NOP56: variants seen among roughly 807,000 people sequenced by gnomAD.
The protein encoded by NOP56 is nucleolar protein 56.
Under a neutral mutation model 58.3 loss-of-function variants are expected in NOP56, and 31 were observed. The ratio of observed to expected loss-of-function variants is 0.53; its 90% CI spans 0.40 to 0.72. The LOEUF is 0.72. Among genes scored for constraint, NOP56 ranks in the 30% least tolerant of loss-of-function variants. NOP56 has a pLI of 0.00. For synonymous variants in NOP56, 313 were observed against 282.8 expected, an observed-to-expected ratio of 1.11 and a Z score of -1.07; for missense variants, 669 against 739.9, an observed-to-expected ratio of 0.90 and a Z score of 1.11.
At position 2,656,888 on chromosome 20, in the gene NOP56, T is replaced by C; in HGVS notation, c.1274T>C (p.Met425Thr). The change falls in exon 10 of 12, where the codon ATG becomes ACG. Residue 425 changes from methionine to threonine, a missense_variant. By Grantham distance (81) the Met-to-Thr change is moderately conservative (BLOSUM62 -1). Coordinates refer to ENST00000329276, the MANE Select transcript of NOP56 (RefSeq NM_006392.4). Reference protein sequence around the residue: ...RKNLDVMKEAMVQAEEAAAEI... With the variant: ...RKNLDVMKEATVQAEEAAAEI... Reference sequence around the variant, plus strand: ...AATCTGGATGTCATGAAGGAAGCAATGGTTCAGGTCAGTTGGGCTTTGCTG... The same window carrying C: ...AATCTGGATGTCATGAAGGAAGCAACGGTTCAGGTCAGTTGGGCTTTGCTG... 6.2e-7 allele frequency: 1 copy of C among 1,614,116 alleles called. No individual in the cohort carries two copies. The highest frequency in any genetic ancestry group is 8.5e-7 in the Non-Finnish European group (1 of 1,180,016).
At position 2,655,483 on chromosome 20, in the gene NOP56, C is replaced by G; in HGVS notation, c.728C>G (p.Ala243Gly). 6.2e-7 allele frequency: 1 copy of G among 1,614,166 alleles called. No individual in the cohort carries two copies. The highest frequency in any genetic ancestry group is 8.5e-7 in the Non-Finnish European group (1 of 1,180,012). ...ACAATGGATGGGGCCAAGGCTAAGG[C>G]TATTCTGGATGCCTCACGGTCCTCC... is the stretch of plus-strand genomic sequence containing the variant. Reference protein sequence around the residue: ...ELTMDGAKAKAILDASRSSMG... With the variant: ...ELTMDGAKAKGILDASRSSMG... The change falls in exon 6 of 12, where the codon GCT becomes GGT. Residue 243 changes from alanine (A) to glycine (G), a missense_variant. Ala to Gly is a moderately conservative substitution (Grantham distance 60). This residue lies in a region of NOP56 where 339 missense variants were observed against 430.5 expected (regional missense o/e 0.79). Transcript: ENST00000329276.
chr20:2,652,794 G>T lies in NOP56; in HGVS notation c.4-48G>T, dbSNP rs759332897. On this transcript the variant is annotated intron_variant, in intron 1 of 11. Transcript: ENST00000329276. ...GCGCCTGCCCTGGGAACGGGTTCCG[G>T]CAGACGCTGAGGTTGCGTTGACGCT... is the stretch of plus-strand genomic sequence containing the variant. 3 of 1,563,436 alleles carry T rather than the reference G, an allele frequency of 1.9e-6. No homozygotes were observed. In the African/African-American group the frequency reaches 4.1e-5, roughly 21 times the overall value.
chr20:2,654,968 A>G (rs759778839), intron 5 of NOP56, 21 bp downstream of exon 5: 7 of 1,612,990 alleles, frequency 4.3e-6, no homozygotes, highest in Non-Finnish European at 5.9e-6. Flanking sequence ...GGGGCCACCC[A>G]TAATACTGGA....
rs1296964815 is a variant in NOP56, at chr20:2,652,908, GAGATCAGTCTGCTGCAGCCGC to G, written c.73_93del (p.Ile25_Gln31del). ...GCTGCTGGCGCTGAAGGAAGTGGAGGAGATCAGTCTGCTGCAGCCGCAGGTGGGTGAGATCCGTGGGCTCCT... is the reference window on the plus strand; with the variant it reads ...GCTGCTGGCGCTGAAGGAAGTGGAGGAGGTGGGTGAGATCCGTGGGCTCCT... On this transcript the variant is annotated inframe_deletion and splice_region_variant, in exon 2 of 12. Transcript: ENST00000329276. 1.2e-6 allele frequency: 2 copies of G among 1,608,668 alleles called. No individual in the cohort carries two copies. The highest frequency in any genetic ancestry group is 2.7e-5 in the African/African-American group (2 of 74,636).
intron 3 of NOP56, chr20:2,654,033 G>A (rs2086784916): frequency 4.9e-6 from 2 of 405,670 alleles, no homozygotes; most frequent in Admixed American, 5.5e-5. Context: ...TCAAGTGTCT[G>A]GTTCTCTGCT....
At chr20:2,657,906 T>G in intron 11 of NOP56, 23 bp from the exon 12 acceptor site, 1 of 1,554,142 alleles carries the variant, frequency 6.4e-7, no homozygotes, top group Non-Finnish European at 8.7e-7. Flanking sequence ...TCTCACAGCC[T>G]GTTCCCCTGT....
rs139317783 is a variant in NOP56, at chr20:2,654,127, C to T, written c.209-287C>T. ...TCCAGAAGGCAAATTCTACGAAATA[C>T]TCGAGGGTGTGTTACAAGCTATTAT... On this transcript the variant is annotated intron_variant, in intron 3 of 11. Transcript: ENST00000329276. 6.8e-5 allele frequency: 43 copies of T among 629,952 alleles called. No individual in the cohort carries two copies. The African/African-American group carries it at 7.1e-4, about 10-fold the overall frequency. The allele number at this position is 629,952 out of a possible 1,614,324, so 39.0% of individuals were successfully genotyped here.
chr20:2,652,763 G>GGGCCTA, intron 1 of NOP56, 79 bp from the exon 2 acceptor site: 1 of 1,548,210 alleles, frequency 6.5e-7, no homozygotes, highest in Non-Finnish European at 8.7e-7. Context: ...GCCTGCGCCT[G>GGGCCTA]CGCCTGCGCC....
intron 9 of NOP56, 38 bp from the exon 10 acceptor site, chr20:2,656,736 C>T (rs1318824259): frequency 1.2e-6 from 2 of 1,614,128 alleles, no homozygotes; most frequent in South Asian, 1.1e-5. Flanking sequence ...TAGTTTCTCT[C>T]TTTGGGCTGA....
rs1352753628 is a variant in NOP56, at chr20:2,657,943, A to G, written c.1434A>G (p.Lys478=). 1.3e-6 allele frequency: 2 copies of G among 1,586,886 alleles called. No homozygotes were observed. The highest frequency in any genetic ancestry group is 3.6e-5 in the Admixed American group (2 of 55,102). The change falls in exon 12 of 12, where the codon AAA becomes AAG. Residue 478 remains lysine, a synonymous_variant. Transcript: ENST00000329276. ...TPEECEEMSE[K]PKKKKKQKPQ... is the part of the protein sequence containing the mutation. ...CTTCCCTTTAGGAGATGAGTGAAAA[A>G]CCCAAAAAGAAGAAAAAGCAAAAGC... is the stretch of plus-strand genomic sequence containing the variant.
intron 11 of NOP56, chr20:2,657,718 T>TC (rs2086845198): frequency 1.7e-6 from 1 of 601,792 alleles, no homozygotes; most frequent in Admixed American, 2.9e-5. Flanking sequence ...GTTTTTTTTT[T>TC]TAATGGGCTG....
intron 3 of NOP56, 90 bp from the exon 4 acceptor site, chr20:2,654,324 G>A (rs764612931): frequency 1.1e-5 from 15 of 1,383,010 alleles, no homozygotes; most frequent in East Asian, 6.9e-5. Flanking sequence ...CCATCCCAGC[G>A]TGCTCGGTGG....
In NOP56 at chr20:2,655,481, G is replaced by A; in HGVS notation, c.726G>A (p.Lys242=). The A allele has an allele frequency of 1.9e-6, 3 of 1,614,218 alleles. No individual in the cohort carries two copies. Among genetic ancestry groups the A allele is most frequent in the South Asian group, 1.1e-5 (1 of 91,084 alleles). ...TGACAATGGATGGGGCCAAGGCTAA[G>A]GCTATTCTGGATGCCTCACGGTCCT... ...EELTMDGAKA[K]AILDASRSSM... Residue 242 remains lysine, a synonymous_variant, in exon 6 of 12, where the codon AAG becomes AAA. Coordinates refer to ENST00000329276, the MANE Select transcript of NOP56 (RefSeq NM_006392.4).
At position 2,655,928 on chromosome 20, in the gene NOP56, C is replaced by G. The variant is rs1476616677; in HGVS notation, c.910-6C>G. The G allele has an allele frequency of 1.2e-6, 2 of 1,614,178 alleles. No homozygotes were observed. The highest frequency in any genetic ancestry group is 1.3e-5 in the African/African-American group (1 of 75,056). ...TCTCTGACTGCTTCCTTGACTCTCT[C>G]TCCAGGTAGGTGCACGTCTCATCGC... On this transcript the variant is annotated splice_region_variant and splice_polypyrimidine_tract_variant and intron_variant, in intron 7 of 11. Transcript: ENST00000329276.
In NOP56 at chr20:2,654,545, A is replaced by T. The variant is rs1011151170; in HGVS notation, c.340A>T (p.Thr114Ser). Residue 114 changes from threonine (T) to serine (S), a missense_variant, in exon 4 of 12, where the codon ACT (threonine) becomes TCT (serine). By Grantham distance (58) the Thr-to-Ser change is moderately conservative (BLOSUM62 1). Around this residue, in one of 3 missense-constraint regions of NOP56, gnomAD observed 339 missense variants for 430.5 expected, o/e 0.79. Transcript: ENST00000329276. ...GGAGGAGTTAGGGTACAACTGCCAGACTGGAGGAGTCATAGCTGAGATCCT... is the reference window on the plus strand; with the variant it reads ...GGAGGAGTTAGGGTACAACTGCCAGTCTGGAGGAGTCATAGCTGAGATCCT... ...IQEELGYNCQ[T>S]GGVIAEILRG... The T allele has an allele frequency of 6.2e-7, 1 of 1,614,080 alleles. No homozygotes were observed. The highest frequency in any genetic ancestry group is 1.3e-5 in the African/African-American group (1 of 74,930).
rs772129656 is a variant in NOP56 at position 2,653,427 on chromosome 20, TGTG to T, written c.208+37_208+39del. 8 of 1,564,130 alleles carry T rather than the reference TGTG, an allele frequency of 5.1e-6. 1 individual carries two copies. In the South Asian group the frequency reaches 6.7e-5, roughly 13 times the overall value. ...GCCACCGCCAAGTGTCACAGAGAGA[TGTG>T]GTTCCTTTCGGTATCCTCTCGGGCA... On this transcript the variant is annotated intron_variant, in intron 3 of 11. Coordinates refer to ENST00000329276, the MANE Select transcript of NOP56 (RefSeq NM_006392.4).
At position 2,656,011 on chromosome 20, in the gene NOP56, T is replaced by A. The variant is rs775555767; in HGVS notation, c.987T>A (p.Leu329=). Residue 329 remains leucine (L), a synonymous_variant, in exon 8 of 12, where the codon CTT becomes CTA. Coordinates refer to ENST00000329276, the MANE Select transcript of NOP56 (RefSeq NM_006392.4). ...ATCCAGCATCCACAGTGCAGATCCT[T>A]GGGGCTGAAAAGGCCCTGTTCAGGT... ...AKYPASTVQI[L]GAEKALFRAL... is the part of the protein sequence containing the mutation. 1.9e-6 allele frequency: 3 copies of A among 1,614,122 alleles called. No homozygotes were observed. Among genetic ancestry groups the A allele is most frequent in the Non-Finnish European group, 2.5e-6 (3 of 1,180,012 alleles).
In NOP56 at chr20:2,656,557, TG is replaced by T. The variant is rs555589299; in HGVS notation, c.1159+15del. ...GAATCGATTGCTTCTCTGGTATGGGTGGGGGGGCGTTGGCAGGTGTGAGAAG... is the reference window on the plus strand; with the variant it reads ...GAATCGATTGCTTCTCTGGTATGGGTGGGGGGCGTTGGCAGGTGTGAGAAG... On this transcript the variant is annotated intron_variant, in intron 9 of 11. Transcript: ENST00000329276. 14 of 1,547,892 alleles carry T rather than the reference TG, an allele frequency of 9.0e-6. No homozygotes were observed. In the African/African-American group the frequency reaches 1.4e-4, roughly 16 times the overall value.
rs1487660722 is a variant in NOP56, at chr20:2,652,664, G to A, written c.3+1G>A. 1.4e-6 allele frequency: 2 copies of A among 1,456,924 alleles called. No homozygotes were observed. The highest frequency in any genetic ancestry group is 1.8e-6 in the Non-Finnish European group (2 of 1,113,870). 90.2% of individuals were successfully genotyped at this position (1,456,924 alleles called of 1,614,324 possible). ...GCCGAACCCGGGAGCTGGCGCCATG[G>A]TGAGGAGTGGTTGCGGGGCGCGGGC... On this transcript the variant is annotated splice_donor_variant, in intron 1 of 11. Coordinates refer to ENST00000329276, the MANE Select transcript of NOP56 (RefSeq NM_006392.4). LOFTEE classifies it high-confidence loss of function.
Sources: allele counts gnomAD v4.1 joint callset, GRCh38; gene constraint gnomAD v4.1.1; regional missense constraint gnomAD v4.1.1; transcripts MANE v1.5; gene names NCBI Gene and HGNC (gene_info 2026-07-23, HGNC 2026-07-21).